ZMYM2: variants seen among roughly 807,000 people sequenced by gnomAD.
The protein encoded by ZMYM2 is zinc finger MYM-type protein 2.
Under a neutral mutation model 162.8 loss-of-function variants are expected in ZMYM2, and 56 were observed. The observed-to-expected ratio is 0.34, with a 90% CI of 0.28 to 0.43. ZMYM2 has a LOEUF of 0.43. Ranked by LOEUF, ZMYM2 falls within the 20% of genes least tolerant of loss-of-function variation. The pLI, the probability that ZMYM2 is intolerant of heterozygous loss-of-function variation, is 1.00. For missense variants in ZMYM2, 1,275 were observed against 1,621.8 expected (o/e 0.79, Z 3.67); for synonymous variants, 510 against 541.6 (o/e 0.94, Z 0.81).
At chr13:20,077,068 G>A (rs1957558310) in intron 21 of ZMYM2, among the ~76,000 whole-genome samples, 1 of 150,342 alleles carries the variant, frequency 6.7e-6, no homozygotes, top group Non-Finnish European at 1.5e-5. Flanking sequence ...GATTACAGGC[G>A]TGAGCCACCA....
At chr13:20,007,087 C>T (rs551020283) in intron 6 of ZMYM2, among the ~76,000 whole-genome samples, 9 of 152,148 alleles carry the variant, frequency 5.9e-5, no homozygotes, top group East Asian at 3.9e-4. Flanking sequence ...TTTTAAACCT[C>T]GGCTTGAAGT....
At chr13:19,907,355 T>C in the ZMYM2 span, among the ~76,000 whole-genome samples, 1 of 152,112 alleles carries the variant, frequency 6.6e-6, no homozygotes, top group Non-Finnish European at 1.5e-5. Flanking sequence ...GTTCATCAGT[T>C]ATAACAAATG....
the ZMYM2 span, among the ~76,000 whole-genome samples, chr13:19,924,139 C>T: frequency 6.6e-6 from 1 of 152,108 alleles, no homozygotes; most frequent in African/African-American, 2.4e-5. Context: ...TTTAATCTTG[C>T]AAAACTGAAA....
In ZMYM2 at chr13:20,087,110, G is replaced by C; in HGVS notation, c.*1096G>C. 1 of 185,014 alleles carries C rather than the reference G, an allele frequency of 5.4e-6. No individual in the cohort carries two copies. Among genetic ancestry groups the C allele is most frequent in the Non-Finnish European group, 1.1e-5 (1 of 87,298 alleles). The allele number at this position is 185,014 out of a possible 1,614,324, so 11.5% of individuals were successfully genotyped here. On this transcript the variant is annotated 3_prime_UTR_variant, in exon 25 of 25. Transcript: ENST00000610343. ...AAGTCAAGCTATGTTAAATAAGATA[G>C]GATCACATTTTATAATGAAGATTAC...
chr13:20,018,028 C>G (rs1016234739), intron 6 of ZMYM2, among the ~76,000 whole-genome samples: 1 of 152,116 alleles, frequency 6.6e-6, no homozygotes, highest in East Asian at 1.9e-4. Context: ...AGGTCGGCCT[C>G]TCTACTTGGC....
the ZMYM2 span, among the ~76,000 whole-genome samples, chr13:19,918,046 G>A: frequency 1.3e-5 from 2 of 151,560 alleles, no homozygotes; most frequent in East Asian, 3.9e-4. Flanking sequence ...GTCAGAGGGA[G>A]ACCCTGTCTC....
chr13:20,085,144 G>A (rs1294371250), intron 24 of ZMYM2, among the ~76,000 whole-genome samples: 1 of 152,198 alleles, frequency 6.6e-6, no homozygotes, highest in Non-Finnish European at 1.5e-5. Flanking sequence ...AATAACCTGT[G>A]TGTTATGTGC....
At chr13:19,886,578 T>C in the ZMYM2 span, among the ~76,000 whole-genome samples, 1 of 151,938 alleles carries the variant, frequency 6.6e-6, no homozygotes, top group Non-Finnish European at 1.5e-5. Flanking sequence ...CAGCCTTGTT[T>C]TTCACGATTT....
intron 12 of ZMYM2, among the ~76,000 whole-genome samples, chr13:20,039,630 T>C (rs1954053924): frequency 6.6e-6 from 1 of 152,066 alleles, no homozygotes; most frequent in Non-Finnish European, 1.5e-5. Flanking sequence ...CCCGCCACCA[T>C]GCCCAGCTAA....
the ZMYM2 span, among the ~76,000 whole-genome samples, chr13:19,911,893 G>A: frequency 6.6e-6 from 1 of 152,212 alleles, no homozygotes; most frequent in Admixed American, 6.5e-5. Context: ...TTCCTGGAGT[G>A]ACTGCAGGGA....
At chr13:20,075,884 C>T (rs1331800622) in intron 21 of ZMYM2, among the ~76,000 whole-genome samples, 14 of 151,426 alleles carry the variant, frequency 9.2e-5, no homozygotes, top group Admixed American at 8.6e-4. Flanking sequence ...CCCGTAGAGA[C>T]GAGGTTTCGC....
At chr13:20,032,774 AATTTTTGT>A (rs1953314603) in intron 10 of ZMYM2, among the ~76,000 whole-genome samples, 1 of 151,702 alleles carries the variant, frequency 6.6e-6, no homozygotes, top group South Asian at 2.1e-4. Flanking sequence ...ACGCCTGGCT[AATTTTTGT>A]ATTTTTAGTA....
chr13:19,998,630 A>T (rs1040386659), intron 3 of ZMYM2, among the ~76,000 whole-genome samples: 3 of 152,188 alleles, frequency 2.0e-5, no homozygotes, highest in Non-Finnish European at 4.4e-5. Flanking sequence ...ATGATAGTTA[A>T]ATAACAGAAT....
chr13:19,878,253 A>G, the ZMYM2 span, among the ~76,000 whole-genome samples: 1 of 152,030 alleles, frequency 6.6e-6, no homozygotes, highest in African/African-American at 2.4e-5. Context: ...GGGTTTCACC[A>G]TGTTGGCCAG....
chr13:19,878,331 G>C, the ZMYM2 span, among the ~76,000 whole-genome samples: 5 of 152,112 alleles, frequency 3.3e-5, no homozygotes, highest in African/African-American at 1.2e-4. Context: ...GGGATTACAG[G>C]CGCAAGCCAC....
At chr13:19,923,860 A>T in the ZMYM2 span, among the ~76,000 whole-genome samples, 1 of 151,652 alleles carries the variant, frequency 6.6e-6, no homozygotes, top group Non-Finnish European at 1.5e-5. Context: ...TGGTATAGAC[A>T]GGGTTTCGCC....
At chr13:19,899,816 C>CAAAAAAAAAAAAAA in the ZMYM2 span, among the ~76,000 whole-genome samples, 20 of 64,992 alleles carry the variant, frequency 3.1e-4, no homozygotes, top group Non-Finnish European at 4.0e-4. Context: ...GACTCTGACT[C>CAAAAAAAAAAAAAA]AAAAAAAAAA....
chr13:19,976,983 C>G (rs1053670771), intron 2 of ZMYM2, among the ~76,000 whole-genome samples: 7 of 152,166 alleles, frequency 4.6e-5, no homozygotes, highest in Non-Finnish European at 1.0e-4. Flanking sequence ...ATGTTTAGAA[C>G]TGCTGTATCT....
At chr13:20,077,725 G>A (rs1166840606) in intron 21 of ZMYM2, among the ~76,000 whole-genome samples, 2 of 152,122 alleles carry the variant, frequency 1.3e-5, no homozygotes, top group South Asian at 2.1e-4. Context: ...GAAAGCTTTG[G>A]GGTATTGAGG....
Sources: allele counts gnomAD v4.1 joint callset (sites outside exome capture counted in the v4.1 genomes callset), GRCh38; gene constraint gnomAD v4.1.1; transcripts MANE v1.5; gene names NCBI Gene and HGNC (gene_info 2026-07-23, HGNC 2026-07-21).